NMNAT3: variants seen among roughly 807,000 people sequenced by gnomAD.
NMNAT3 encodes nicotinamide/nicotinic acid mononucleotide adenylyltransferase 3.
NMNAT3 carries 21 observed loss-of-function variants against 24.8 expected under a neutral mutation model. That is an observed-to-expected ratio of 0.85 (90% CI 0.60 to 1.22). The LOEUF is 1.22. NMNAT3 is among the 50% of genes most tolerant of loss of function. The pLI, the probability that NMNAT3 is intolerant of heterozygous loss-of-function variation, is 0.00. For synonymous variants in NMNAT3, 136 were observed against 155.2 expected (o/e 0.88, Z 0.92); for missense variants, 387 against 436.6 (o/e 0.89, Z 1.01).
chr3:139,648,063 C>T (rs1187248139), intron 1 of NMNAT3, among the ~76,000 whole-genome samples: 1 of 152,208 alleles, frequency 6.6e-6, no homozygotes, highest in South Asian at 2.1e-4. Flanking sequence ...TCCCCACCCA[C>T]ATCTTATCTT....
chr3:139,582,244 CAA>C (rs2053668649), intron 4 of NMNAT3, among the ~76,000 whole-genome samples: 1 of 83,358 alleles, frequency 1.2e-5, no homozygotes, highest in Non-Finnish European at 2.8e-5. Context: ...AGGCAAAAAA[CAA>C]AAGAGAAGAT....
chr3:139,647,152 T>C (rs1497272), intron 1 of NMNAT3, among the ~76,000 whole-genome samples: 152,327 of 152,350 alleles, frequency 1, 76,152 homozygotes, highest in Middle Eastern at 1. Flanking sequence ...AAAATGAAGA[T>C]GGGCACGTTT....
At position 139,560,946 on chromosome 3, in the gene NMNAT3, C is replaced by G; in HGVS notation, c.*64G>C. The G allele has an allele frequency of 6.6e-7, 1 of 1,511,050 alleles. No individual in the cohort carries two copies. The highest frequency in any genetic ancestry group is 8.9e-7 in the Non-Finnish European group (1 of 1,120,830). 93.6% of individuals were successfully genotyped at this position (1,511,050 alleles called of 1,614,324 possible). A position where few individuals can be genotyped will look rare whatever the true frequency, so the allele number is the denominator to read the frequency against. On this transcript the variant is annotated 3_prime_UTR_variant, in exon 7 of 7. Coordinates refer to ENST00000643695, the MANE Select transcript of NMNAT3 (RefSeq NM_001320510.2). ...AGCAAAAACCAAAGTAAAACAGAAA[C>G]CTTAACAGCCCTCTCCCCAGCAGGA...
intron 5 of NMNAT3, among the ~76,000 whole-genome samples, chr3:139,576,779 T>C (rs1375645626): frequency 6.6e-6 from 1 of 151,916 alleles, no homozygotes; most frequent in Non-Finnish European, 1.5e-5. Context: ...AAAAGAGGCC[T>C]GGTGTGGTGA....
intron 3 of NMNAT3, among the ~76,000 whole-genome samples, chr3:139,585,043 T>C (rs192976549): frequency 8.5e-5 from 13 of 152,312 alleles, no homozygotes; most frequent in African/African-American, 1.9e-4. Context: ...TTGAAAAAAA[T>C]ATATATTCTG....
At chr3:139,640,454 C>A (rs2056661311) in intron 1 of NMNAT3, among the ~76,000 whole-genome samples, 1 of 152,182 alleles carries the variant, frequency 6.6e-6, no homozygotes, top group South Asian at 2.1e-4. Flanking sequence ...AAAATGTAAT[C>A]TAAAAATCCT....
intron 5 of NMNAT3, chr3:139,576,119 A>G (rs1318798761): frequency 8.9e-6 from 11 of 1,230,332 alleles, no homozygotes; most frequent in Middle Eastern, 6.9e-4. Flanking sequence ...CTATGTCACT[A>G]TGATGCAGAT....
chr3:139,561,507 C>T (rs919900587), intron 6 of NMNAT3, 115 bp from the exon 7 acceptor site: 2 of 966,192 alleles, frequency 2.1e-6, no homozygotes, highest in Non-Finnish European at 3.1e-6. Flanking sequence ...AACTCAGTGT[C>T]TCCATGTTCA....
intron 3 of NMNAT3, among the ~76,000 whole-genome samples, chr3:139,588,999 A>T (rs574401431): frequency 1.3e-5 from 2 of 152,268 alleles, no homozygotes; most frequent in African/African-American, 4.8e-5. Context: ...TCTAGCCTGC[A>T]TTTAGGGCCT....
intron 3 of NMNAT3, among the ~76,000 whole-genome samples, chr3:139,617,521 T>G: frequency 6.6e-6 from 1 of 152,120 alleles, no homozygotes; most frequent in South Asian, 2.1e-4. Context: ...GTTATGAAAA[T>G]TAAATGAGTT....
chr3:139,588,259 C>G (rs1321859654), intron 3 of NMNAT3, among the ~76,000 whole-genome samples: 1 of 152,132 alleles, frequency 6.6e-6, no homozygotes, highest in East Asian at 1.9e-4. Context: ...GTGCCTTTCC[C>G]ATGACACTGA....
intron 1 of NMNAT3, among the ~76,000 whole-genome samples, chr3:139,658,822 A>G (rs2057326232): frequency 6.6e-6 from 1 of 152,136 alleles, no homozygotes; most frequent in Non-Finnish European, 1.5e-5. Context: ...TGAGGGCATC[A>G]TGTAATAAAT....
intron 6 of NMNAT3, chr3:139,570,979 G>A (rs917722728): frequency 6.5e-6 from 1 of 152,728 alleles, no homozygotes; most frequent in African/African-American, 2.4e-5. Flanking sequence ...CTTGAGCTGT[G>A]GTGGGCTCCA....
intron 3 of NMNAT3, among the ~76,000 whole-genome samples, chr3:139,592,146 CA>C (rs1305136770): frequency 6.6e-6 from 1 of 152,096 alleles, no homozygotes; most frequent in Non-Finnish European, 1.5e-5. Context: ...AGCTGAAAAC[CA>C]AGGCTCGAGA....
chr3:139,623,565 A>G (rs1458420866), intron 3 of NMNAT3, among the ~76,000 whole-genome samples: 1 of 152,084 alleles, frequency 6.6e-6, no homozygotes, highest in Non-Finnish European at 1.5e-5. Context: ...ATATAATAGT[A>G]TATGCTAGAC....
rs1233158687 is a variant in NMNAT3 at position 139,566,669 on chromosome 3, T to C, written c.659-5277A>G. 5.9e-5 allele frequency: 9 copies of C among 152,330 alleles called. 1 individual carries two copies. Among genetic ancestry groups the C allele is most frequent in the Admixed American group, 5.2e-4 (8 of 15,294 alleles). The allele number at this position is 152,330 out of a possible 1,614,324, so 9.4% of individuals were successfully genotyped here. ...CTCAGGTTTGTCAAAGATCAGATAG[T>C]TGTAGATAGGTGGCATTATTTCTGA... On this transcript the variant is annotated intron_variant, in intron 6 of 6. Transcript: ENST00000643695.
At chr3:139,628,452 T>C (rs2056151685) in intron 2 of NMNAT3, among the ~76,000 whole-genome samples, 1 of 152,238 alleles carries the variant, frequency 6.6e-6, no homozygotes, top group African/African-American at 2.4e-5. Context: ...TCAGAATGAA[T>C]ACACTTTGTT....
Position 139,598,326 on chromosome 3 carries a change from A to G in NMNAT3, c.110-15118T>C, listed in dbSNP as rs1483489429. The stretch of plus-strand genomic sequence containing the variant: ...TAGGTATTTGTGACTGCTTTACTCA[A>G]TGGCAGAAGTGATACTTTGTGACTT... On this transcript the variant is annotated intron_variant, in intron 3 of 6. Transcript: ENST00000643695. 8.5e-5 allele frequency among the ~76,000 whole-genome samples: 13 copies of G among 152,274 alleles called. No individual in the cohort carries two copies. The East Asian group carries it at 2.3e-3, about 27-fold the overall frequency.
chr3:139,674,609 T>C (rs2057865966), intron 1 of NMNAT3, among the ~76,000 whole-genome samples: 1 of 152,236 alleles, frequency 6.6e-6, no homozygotes, highest in African/African-American at 2.4e-5. Context: ...GCAGGTTTTT[T>C]TCTTTTTAAA....
Sources: gnomAD v4.1 joint callset for allele counts (sites outside exome capture counted in the v4.1 genomes callset) on GRCh38, gnomAD v4.1.1 for gene constraint, MANE v1.5 for transcripts, NCBI Gene and HGNC (gene_info 2026-07-23, HGNC 2026-07-21) for gene names.